Variants in DOCK9 observed in about 807,000 individuals in gnomAD.
DOCK9 encodes the protein dedicator of cytokinesis protein 9.
DOCK9 carries 89 observed loss-of-function variants against 263.3 expected under a neutral mutation model. The ratio of observed to expected loss-of-function variants is 0.34; its 90% CI spans 0.28 to 0.40. DOCK9 has a LOEUF of 0.40. Among genes scored for constraint, DOCK9 ranks in the 10% least tolerant of loss-of-function variants. The pLI, the probability that DOCK9 is intolerant of heterozygous loss-of-function variation, is 1.00. For synonymous variants in DOCK9, 976 were observed against 973.1 expected, an observed-to-expected ratio of 1.00 and a Z score of -0.06; for missense variants, 2,140 against 2,603.4, an observed-to-expected ratio of 0.82 and a Z score of 3.87.
chr13:99,023,863 A>G (rs1448804907), intron 1 of DOCK9, among the ~76,000 whole-genome samples: 1 of 152,206 alleles, frequency 6.6e-6, no homozygotes, highest in Non-Finnish European at 1.5e-5. Context: ...CACTTCCTAG[A>G]AAAACCTTCC....
At chr13:98,994,350 T>C (rs1405280078) in intron 1 of DOCK9, among the ~76,000 whole-genome samples, 9 of 152,214 alleles carry the variant, frequency 5.9e-5, no homozygotes, top group Admixed American at 5.9e-4. Flanking sequence ...GGAAGCATTT[T>C]TGGCTGTCAT....
rs1409890935 is a variant in DOCK9, at chr13:98,868,240, G to A, written c.3081C>T (p.Val1027=). ...ASKNANHSLA[V]FIKRCFTFMD... is the part of the protein sequence containing the mutation. ...CCCTGGAGGTCCCCACCTTGATGAA[G>A]ACAGCAAGGCTATGATTCGCGTTCT... The change falls in exon 28 of 53, where the codon GTC becomes GTT. Residue 1027 remains valine (V), a synonymous_variant. Transcript: ENST00000682017. 1 of 1,613,638 alleles carries A rather than the reference G, an allele frequency of 6.2e-7. No homozygotes were observed. The highest frequency in any genetic ancestry group is 8.5e-7 in the Non-Finnish European group (1 of 1,179,804).
intron 1 of DOCK9, among the ~76,000 whole-genome samples, chr13:98,967,435 G>A (rs1378245948): frequency 6.6e-6 from 1 of 152,200 alleles, no homozygotes. Context: ...TTTCACTGAT[G>A]AGGAAACTGA....
At chr13:99,000,081 C>T (rs988764348) in intron 1 of DOCK9, among the ~76,000 whole-genome samples, 15 of 152,184 alleles carry the variant, frequency 9.9e-5, no homozygotes, top group Admixed American at 7.2e-4. Flanking sequence ...ACTCAACCTA[C>T]CTGACCCCCT....
chr13:98,831,877 G>A, intron 39 of DOCK9, 91 bp from the exon 40 acceptor site: 1 of 1,472,830 alleles, frequency 6.8e-7, no homozygotes, highest in Non-Finnish European at 9.2e-7. Flanking sequence ...CATTTTCTAA[G>A]TATTAAGACA....
chr13:99,079,996 C>T (rs1423591276), intron 1 of DOCK9, among the ~76,000 whole-genome samples: 1 of 152,158 alleles, frequency 6.6e-6, no homozygotes, highest in African/African-American at 2.4e-5. Flanking sequence ...GCCAAGATTG[C>T]ACCACTGCAC....
At chr13:98,854,003 C>T (rs780239002) in intron 34 of DOCK9, among the ~76,000 whole-genome samples, 28 of 152,176 alleles carry the variant, frequency 1.8e-4, no homozygotes, top group Non-Finnish European at 3.7e-4. Context: ...AGCCCAGGCG[C>T]CATCACCCAG....
At chr13:99,073,113 C>A (rs1230773798) in intron 1 of DOCK9, among the ~76,000 whole-genome samples, 1 of 152,144 alleles carries the variant, frequency 6.6e-6, no homozygotes, top group African/African-American at 2.4e-5. Flanking sequence ...CTTGTTGCCA[C>A]CGGCCAGACC....
intron 2 of DOCK9, among the ~76,000 whole-genome samples, chr13:98,944,658 C>CT (rs761562635): frequency 3.9e-5 from 6 of 152,196 alleles, no homozygotes; most frequent in Non-Finnish European, 7.3e-5. Flanking sequence ...CCCACACACC[C>CT]TCCCCTGCCT....
chr13:98,812,646 G>C (rs1220011327), intron 45 of DOCK9, among the ~76,000 whole-genome samples: 2 of 152,298 alleles, frequency 1.3e-5, no homozygotes, highest in African/African-American at 2.4e-5. Flanking sequence ...GATTACACTA[G>C]TTTAAAAATA....
At chr13:98,935,819 G>A (rs950231333) in intron 2 of DOCK9, among the ~76,000 whole-genome samples, 1 of 152,068 alleles carries the variant, frequency 6.6e-6, no homozygotes, top group African/African-American at 2.4e-5. Context: ...CCATTAGGCT[G>A]GACCCATGGG....
At chr13:98,801,755 G>C (rs1414647654) in intron 49 of DOCK9, among the ~76,000 whole-genome samples, 1 of 152,154 alleles carries the variant, frequency 6.6e-6, no homozygotes, top group African/African-American at 2.4e-5. Flanking sequence ...TTAGCAACTG[G>C]CTAGGGAAGA....
At chr13:98,995,560 C>T (rs1458107137) in intron 1 of DOCK9, among the ~76,000 whole-genome samples, 1 of 147,324 alleles carries the variant, frequency 6.8e-6, no homozygotes. Context: ...GCGATCTCGG[C>T]TCACTGCAAG....
At chr13:99,015,274 CACACAT>C (rs1885213733) in intron 1 of DOCK9, among the ~76,000 whole-genome samples, 1 of 152,196 alleles carries the variant, frequency 6.6e-6, no homozygotes, top group African/African-American at 2.4e-5. Context: ...ATGGCATTCT[CACACAT>C]ACAAACACTC....
upstream of DOCK9, among the ~76,000 whole-genome samples, chr13:99,087,658 C>T (rs1325435209): frequency 6.6e-6 from 1 of 152,186 alleles, no homozygotes; most frequent in African/African-American, 2.4e-5. Context: ...CGCAGCCTAA[C>T]CCTCACAGGG....
At chr13:98,875,307 T>C (rs1296993768) in intron 27 of DOCK9, among the ~76,000 whole-genome samples, 2 of 129,160 alleles carry the variant, frequency 1.5e-5, no homozygotes, top group Non-Finnish European at 3.5e-5. Flanking sequence ...ACTAGCATTC[T>C]ACCTATCACA....
In DOCK9 at chr13:98,920,411, T is replaced by G. The variant is rs553277005; in HGVS notation, c.717+543A>C. On this transcript the variant is annotated intron_variant, in intron 7 of 52. Coordinates refer to ENST00000682017, the MANE Select transcript of DOCK9 (RefSeq NM_001366683.2). Reference sequence around the variant, plus strand: ...GAATGAACCCTCTCAGTAACCATATTTGGTACTGCCATTATCCTTATTTAA... The same window carrying G: ...GAATGAACCCTCTCAGTAACCATATGTGGTACTGCCATTATCCTTATTTAA... Among the ~76,000 whole-genome samples the G allele has an allele frequency of 1.4e-4, 21 of 152,310 alleles. No homozygotes were observed. In the South Asian group the frequency reaches 4.4e-3, roughly 32 times the overall value.
chr13:98,831,859 A>C, intron 39 of DOCK9, 73 bp from the exon 40 acceptor site: 305 of 1,534,614 alleles, frequency 2.0e-4, no homozygotes, highest in Non-Finnish European at 2.5e-4. Context: ...TTTCAGGCTC[A>C]AGAATTACAT....
chr13:98,875,279 CAT>C (rs2043641970), intron 27 of DOCK9, among the ~76,000 whole-genome samples: 1 of 151,998 alleles, frequency 6.6e-6, no homozygotes, highest in South Asian at 2.1e-4. Context: ...TGCATACTAG[CAT>C]ACTGGTAGAA....
Sources: allele counts gnomAD v4.1 joint callset (sites outside exome capture counted in the v4.1 genomes callset), GRCh38; gene constraint gnomAD v4.1.1; transcripts MANE v1.5; gene names NCBI Gene and HGNC (gene_info 2026-07-23, HGNC 2026-07-21).